The following NLGN4X variants were observed in gnomAD, a reference collection of about 807,000 sequenced individuals.
NLGN4X encodes the protein neuroligin-4, X-linked.
In NLGN4X, 3 loss-of-function variants were observed where a neutral mutation model predicts 40.3. That is an observed-to-expected ratio of 0.07 (90% confidence interval 0.03 to 0.19). The LOEUF (loss-of-function observed/expected upper bound fraction) is 0.19, where lower values mean the gene tolerates loss of function less well. Among genes scored for constraint, NLGN4X ranks in the 10% least tolerant of loss-of-function variants. The pLI, the probability that NLGN4X is intolerant of heterozygous loss-of-function variation, is 1.00. For synonymous variants in NLGN4X, 270 were observed against 306.8 expected (o/e 0.88, Z 1.25); for missense variants, 382 against 708.3 (o/e 0.54, Z 5.23).
intron 5 of NLGN4X, among the ~76,000 whole-genome samples, 200 bp from the exon 6 acceptor site, chrX:5,893,866 C>T (rs974511902): frequency 2.7e-5 from 3 of 112,144 alleles, no homozygotes; most frequent in Admixed American, 1.9e-4. Context: ...TTAAAAATTG[C>T]TCTTATTTTT....
intron 1 of NLGN4X, among the ~76,000 whole-genome samples, chrX:6,177,427 A>C (rs1920976067): frequency 8.9e-6 from 1 of 112,124 alleles, no homozygotes; most frequent in African/African-American, 3.2e-5. Flanking sequence ...TGTAATCCCA[A>C]AGTGCTGGGA....
chrX:5,899,689 CCTTTT>C (rs1385161464), intron 5 of NLGN4X, among the ~76,000 whole-genome samples: 1 of 87,163 alleles, frequency 1.1e-5, no homozygotes, highest in Non-Finnish European at 2.4e-5. Flanking sequence ...TGTCTTTTTT[CCTTTT>C]TTTTTTTTTT....
At position 5,975,612 on chromosome X, in the gene NLGN4X, C is replaced by CAAAAAAA. The variant is rs60917858; in HGVS notation, c.625+53661_625+53667dup. Among the ~76,000 whole-genome samples the CAAAAAAA allele has an allele frequency of 8.0e-3, 432 of 53,816 alleles. 10 individuals carry two copies. The highest frequency in any genetic ancestry group is 0.026 in the African/African-American group (395 of 15,069). 46.7% of individuals were successfully genotyped at this position (53,816 alleles called of 115,157 possible). A position where few individuals can be genotyped will look rare whatever the true frequency, so the allele number is the denominator to read the frequency against. ...TGGGCGACAAAGCAAGACTCCGTTT[C>CAAAAAAA]AAAAAAAAAAAAAAAAAGCAGTTTA... On this transcript the variant is annotated intron_variant, in intron 3 of 5. Transcript: ENST00000381095.
At chrX:6,128,159 CGT>C (rs1359800277) in intron 2 of NLGN4X, among the ~76,000 whole-genome samples, 1 of 110,843 alleles carries the variant, frequency 9.0e-6, no homozygotes, top group African/African-American at 3.3e-5. Flanking sequence ...CCTGTGTGCC[CGT>C]GTGTCTTCAA....
intron 2 of NLGN4X, among the ~76,000 whole-genome samples, chrX:6,090,270 AAT>A (rs2038604731): frequency 9.0e-6 from 1 of 111,338 alleles, no homozygotes; most frequent in South Asian, 3.7e-4. Flanking sequence ...ATTCTCTATT[AAT>A]ATATTTAGAT....
chrX:5,950,339 GCTGA>G (rs1420560290), intron 3 of NLGN4X, among the ~76,000 whole-genome samples: 1 of 112,042 alleles, frequency 8.9e-6, no homozygotes, highest in African/African-American at 3.2e-5. Flanking sequence ...TCTATTGTCT[GCTGA>G]CTTAGTACTT....
At chrX:5,997,590 A>G (rs867060621) in intron 3 of NLGN4X, among the ~76,000 whole-genome samples, 2,906 of 59,124 alleles carry the variant, frequency 0.049, 115 homozygotes, top group African/African-American at 0.16. Flanking sequence ...GTGTGTGTAT[A>G]TATATATACA....
Position 5,964,962 on chromosome X carries a change from G to T in NLGN4X, c.626-55723C>A, listed in dbSNP as rs147914013. ...ATAATAGTTAAAATGTATAAAATAT[G>T]AGCTTTCCCTCCTTATCTATATGAA... is the stretch of plus-strand genomic sequence containing the variant. On this transcript the variant is annotated intron_variant, in intron 3 of 5. Transcript: ENST00000381095. 2.7e-5 allele frequency among the ~76,000 whole-genome samples: 3 copies of T among 112,139 alleles called. No homozygotes were observed. In the East Asian group the frequency reaches 8.4e-4, roughly 31 times the overall value.
At chrX:6,181,136 T>G (rs1921400369) in intron 1 of NLGN4X, among the ~76,000 whole-genome samples, 1 of 111,040 alleles carries the variant, frequency 9.0e-6, no homozygotes, top group African/African-American at 3.3e-5. Flanking sequence ...CTGTGGGGAA[T>G]AAGGATAGTT....
chrX:6,175,260 T>C (rs1451438718), intron 1 of NLGN4X, among the ~76,000 whole-genome samples: 1 of 111,282 alleles, frequency 9.0e-6, no homozygotes, highest in Non-Finnish European at 1.9e-5. Context: ...TTTTAAAAAA[T>C]AATATGATTA....
chrX:6,055,157 G>A (rs1432735685), intron 2 of NLGN4X, among the ~76,000 whole-genome samples: 1 of 111,786 alleles, frequency 8.9e-6, no homozygotes, highest in East Asian at 2.8e-4. Context: ...ATGGAAGGCT[G>A]TGGCAGGCAG....
chrX:6,217,484 C>CA (rs202192156), intron 1 of NLGN4X, among the ~76,000 whole-genome samples: 1,956 of 111,515 alleles, frequency 0.018, 41 homozygotes, highest in African/African-American at 0.06. Context: ...GTGAAATTGT[C>CA]ATGACAGACT....
intron 3 of NLGN4X, among the ~76,000 whole-genome samples, chrX:6,006,817 T>G (rs964463103): frequency 2.7e-5 from 3 of 111,880 alleles, no homozygotes; most frequent in African/African-American, 9.7e-5. Context: ...GCAAAGATGC[T>G]GAGAAAAGGG....
chrX:6,004,357 T>C (rs1490050635), intron 3 of NLGN4X, among the ~76,000 whole-genome samples: 1 of 112,152 alleles, frequency 8.9e-6, no homozygotes, highest in Non-Finnish European at 1.9e-5. Flanking sequence ...GTTCTGTCAT[T>C]TTACAACTAC....
At chrX:6,208,326 TTTTC>T (rs1349332465) in intron 1 of NLGN4X, among the ~76,000 whole-genome samples, 1 of 112,454 alleles carries the variant, frequency 8.9e-6, no homozygotes, top group Non-Finnish European at 1.9e-5. Flanking sequence ...AGGATTTTCT[TTTTC>T]TTTATTTCCA....
At chrX:6,146,959 T>G (rs2369483) in intron 2 of NLGN4X, among the ~76,000 whole-genome samples, 28,095 of 109,319 alleles carry the variant, frequency 0.26, 2,689 homozygotes, top group Admixed American at 0.29. Flanking sequence ...CCCAGCTAAT[T>G]TTTTGTATTT....
chrX:5,939,896 T>C (rs1276849493), intron 3 of NLGN4X, among the ~76,000 whole-genome samples: 2 of 111,882 alleles, frequency 1.8e-5, no homozygotes, highest in Admixed American at 1.9e-4. Context: ...TCTGCGTAGA[T>C]GTTAATTTTT....
chrX:5,921,148 C>CAT (rs60922455), intron 3 of NLGN4X, among the ~76,000 whole-genome samples: 31,348 of 90,637 alleles, frequency 0.35, 4,894 homozygotes, highest in East Asian at 0.58. Flanking sequence ...TATATATATA[C>CAT]ATATATATAT....
At chrX:6,014,188 G>GA (rs140452629) in intron 3 of NLGN4X, among the ~76,000 whole-genome samples, 192 of 87,963 alleles carry the variant, frequency 2.2e-3, no homozygotes, top group South Asian at 9.0e-3. Context: ...CTCAGAGAGA[G>GA]AAAAAAAAAA....
Sources: gnomAD v4.1 joint callset for allele counts (sites outside exome capture counted in the v4.1 genomes callset) on GRCh38, gnomAD v4.1.1 for gene constraint, MANE v1.5 for transcripts, NCBI Gene and HGNC (gene_info 2026-07-23, HGNC 2026-07-21) for gene names.